Variants in DCAF8 observed in about 807,000 individuals in gnomAD.
The protein encoded by DCAF8 is DDB1 and CUL4 associated factor 8, also known as DDB1- and CUL4-associated factor 8.
DCAF8 carries 20 observed loss-of-function variants against 68.0 expected under a neutral mutation model. That is an observed-to-expected ratio of 0.29 (90% CI 0.21 to 0.43). The LOEUF (loss-of-function observed/expected upper bound fraction) is 0.43, where lower values mean the gene tolerates loss of function less well. Among genes scored for constraint, DCAF8 ranks in the 20% least tolerant of loss-of-function variants. The pLI, the probability that DCAF8 is intolerant of heterozygous loss-of-function variation, is 1.00. For synonymous variants in DCAF8, 230 were observed against 276.9 expected (o/e 0.83, Z 1.68); for missense variants, 460 against 771.0 (o/e 0.60, Z 4.78).
At chr1:160,254,502 T>G (rs964234777) in intron 2 of DCAF8, among the ~76,000 whole-genome samples, 5 of 128,338 alleles carry the variant, frequency 3.9e-5, no homozygotes, top group Admixed American at 7.1e-5. Flanking sequence ...AAAGCCCTGG[T>G]TTTTTTTTTG....
chr1:160,234,380 T>G (rs1655799160), intron 6 of DCAF8, among the ~76,000 whole-genome samples: 1 of 152,148 alleles, frequency 6.6e-6, no homozygotes, highest in Admixed American at 6.5e-5. Context: ...GATTTGGGCC[T>G]CCTTCTACTC....
At chr1:160,247,563 C>G (rs1361364210) in intron 2 of DCAF8, among the ~76,000 whole-genome samples, 1 of 152,142 alleles carries the variant, frequency 6.6e-6, no homozygotes, top group Non-Finnish European at 1.5e-5. Context: ...TCCGGTGTAT[C>G]CTCTTACCCA....
At chr1:160,247,585 G>A (rs1190678806) in intron 2 of DCAF8, among the ~76,000 whole-genome samples, 1 of 152,100 alleles carries the variant, frequency 6.6e-6, no homozygotes, top group Non-Finnish European at 1.5e-5. Context: ...AATGCTTGGG[G>A]CCAGAAGTGT....
intron 2 of DCAF8, among the ~76,000 whole-genome samples, chr1:160,256,033 T>A (rs1016134121): frequency 2.8e-4 from 41 of 147,400 alleles, no homozygotes; most frequent in African/African-American, 9.7e-4. Flanking sequence ...TTTTTTTTTT[T>A]TTTTTTTAAG....
chr1:160,241,066 G>A (rs1656097153), intron 3 of DCAF8, among the ~76,000 whole-genome samples: 1 of 152,112 alleles, frequency 6.6e-6, no homozygotes, highest in African/African-American at 2.4e-5. Context: ...GCAGTAGAAT[G>A]GCATGAACCC....
intron 2 of DCAF8, among the ~76,000 whole-genome samples, chr1:160,255,241 G>A (rs1316010196): frequency 6.6e-6 from 1 of 152,160 alleles, no homozygotes; most frequent in Non-Finnish European, 1.5e-5. Context: ...ATCTACCCAG[G>A]AACCCACAAT....
At chr1:160,262,127 G>A in intron 1 of DCAF8, 1 of 389,140 alleles carries the variant, frequency 2.6e-6, no homozygotes, top group Non-Finnish European at 4.5e-6. Flanking sequence ...CTGAGGAAAG[G>A]GCAACCAGTA....
intron 3 of DCAF8, 22 bp downstream of exon 3, chr1:160,243,938 C>T (rs1334775180): frequency 1.9e-6 from 3 of 1,613,148 alleles, no homozygotes; most frequent in Non-Finnish European, 2.5e-6. Context: ...AAAATAGCTT[C>T]ACCTTCATTT....
At chr1:160,236,290 G>A (rs1039201648) in intron 6 of DCAF8, among the ~76,000 whole-genome samples, 6 of 146,124 alleles carry the variant, frequency 4.1e-5, no homozygotes, top group African/African-American at 1.3e-4. Flanking sequence ...ATACACGTAC[G>A]TATATATATA....
chr1:160,253,773 C>T (rs1286065058), intron 2 of DCAF8, among the ~76,000 whole-genome samples: 1 of 150,228 alleles, frequency 6.7e-6, no homozygotes, highest in Non-Finnish European at 1.5e-5. Context: ...TTGCAGTGAA[C>T]TGTGATGGGG....
intron 2 of DCAF8, among the ~76,000 whole-genome samples, chr1:160,247,194 G>A (rs1488991516): frequency 2.0e-5 from 3 of 152,158 alleles, no homozygotes; most frequent in Non-Finnish European, 4.4e-5. Context: ...CAGGTAGTTG[G>A]AGGAGTTTAA....
intron 2 of DCAF8, among the ~76,000 whole-genome samples, chr1:160,260,484 A>C (rs932529786): frequency 6.6e-6 from 1 of 152,180 alleles, no homozygotes; most frequent in Non-Finnish European, 1.5e-5. Flanking sequence ...ACTACAAATC[A>C]TAAAGATATT....
chr1:160,252,552 A>G (rs540779983), intron 2 of DCAF8, among the ~76,000 whole-genome samples: 220 of 152,350 alleles, frequency 1.4e-3, no homozygotes, highest in Middle Eastern at 3.4e-3. Flanking sequence ...GTTAAGAAGT[A>G]TAATAAAAGC....
intron 2 of DCAF8, among the ~76,000 whole-genome samples, chr1:160,252,897 T>C (rs1416253675): frequency 2.6e-5 from 4 of 152,072 alleles, no homozygotes; most frequent in Admixed American, 6.5e-5. Flanking sequence ...CTGAATAAAT[T>C]TAAAATCCAA....
At chr1:160,224,698 C>T (rs1006094630) in intron 9 of DCAF8, 149 bp from the exon 10 acceptor site, 16 of 663,156 alleles carry the variant, frequency 2.4e-5, no homozygotes, top group South Asian at 1.8e-4. Flanking sequence ...CAGGCAAGTC[C>T]GACTGTACAG....
In DCAF8 at chr1:160,234,931, T is replaced by G. The variant is rs12096571; in HGVS notation, c.959+2204A>C. 9.2e-3 allele frequency among the ~76,000 whole-genome samples: 1,406 copies of G among 152,290 alleles called. 25 individuals are homozygous for G. Among genetic ancestry groups the G allele is most frequent in the African/African-American group, 0.031 (1,275 of 41,550 alleles). On this transcript the variant is annotated intron_variant, in intron 6 of 13. Transcript: ENST00000368074. ...TATCTTTTCCCCAAGCCTAAAACAT[T>G]TCTATCTTTTAAGCAGTTGTAGAAA... is the stretch of plus-strand genomic sequence containing the variant.
Position 160,238,589 on chromosome 1 carries a change from G to C in DCAF8, c.864+18C>G. The stretch of plus-strand genomic sequence containing the variant: ...GAGGATTTGGATTGCACAAATTTTG[G>C]AGCAAGGTCTTACTTACCTTGTGGG... On this transcript the variant is annotated intron_variant, in intron 5 of 13. Transcript: ENST00000368074. The C allele has an allele frequency of 6.3e-7, 1 of 1,580,476 alleles. No individual in the cohort carries two copies. The highest frequency in any genetic ancestry group is 8.6e-7 in the Non-Finnish European group (1 of 1,163,140).
rs1412878449 is a variant in DCAF8 at position 160,259,579 on chromosome 1, C to T, written c.-27+1706G>A. ...AACCTCTTCATTCCTAACTCCCCAG[C>T]CCTGATTCACTTTTAAAAAAAGAGA... On this transcript the variant is annotated intron_variant, in intron 2 of 13. Coordinates refer to ENST00000368074, the MANE Select transcript of DCAF8 (RefSeq NM_015726.4). Among the ~76,000 whole-genome samples, 5 of 152,040 alleles carry T rather than the reference C, an allele frequency of 3.3e-5. 1 individual carries two copies. Among genetic ancestry groups the T allele is most frequent in the Non-Finnish European group, 7.4e-5 (5 of 68,004 alleles).
At chr1:160,222,882 C>T in intron 10 of DCAF8, 101 bp from the exon 11 acceptor site, 1 of 1,488,194 alleles carries the variant, frequency 6.7e-7, no homozygotes, top group Non-Finnish European at 9.2e-7. Context: ...TCTAAATCAG[C>T]TAGATTATGC....
Sources: allele counts gnomAD v4.1 joint callset (sites outside exome capture counted in the v4.1 genomes callset), GRCh38; gene constraint gnomAD v4.1.1; transcripts MANE v1.5; gene names NCBI Gene and HGNC (gene_info 2026-07-23, HGNC 2026-07-21).